Variants in NTM observed in about 807,000 individuals in gnomAD.
NTM encodes neurotrimin.
In NTM, 13 loss-of-function variants were observed where a neutral mutation model predicts 42.1. The ratio of observed to expected loss-of-function variants is 0.31; its 90% CI spans 0.20 to 0.49. The LOEUF is 0.49. Ranked by LOEUF, NTM falls within the 20% of genes least tolerant of loss-of-function variation. The pLI is 0.99. For synonymous variants in NTM, 187 were observed against 179.2 expected, an observed-to-expected ratio of 1.04 and a Z score of -0.35; for missense variants, 373 against 452.8, an observed-to-expected ratio of 0.82 and a Z score of 1.60.
chr11:132,303,500 G>T (rs765533806), intron 4 of NTM, among the ~76,000 whole-genome samples: 2 of 152,152 alleles, frequency 1.3e-5, no homozygotes, highest in Non-Finnish European at 2.9e-5. Flanking sequence ...TTAGATTAGG[G>T]TCTACCATAA....
intron 1 of NTM, among the ~76,000 whole-genome samples, chr11:131,906,333 G>T (rs1054008243): frequency 6.6e-6 from 1 of 152,092 alleles, no homozygotes; most frequent in Non-Finnish European, 1.5e-5. Flanking sequence ...AGAGTAGAAA[G>T]AACCCTGCTG....
chr11:132,077,448 T>C (rs949646115), intron 2 of NTM, among the ~76,000 whole-genome samples: 4 of 152,208 alleles, frequency 2.6e-5, no homozygotes, highest in African/African-American at 9.6e-5. Flanking sequence ...AGCAGCTGTC[T>C]TTTGCTGAGC....
At chr11:131,982,737 G>C (rs2065450692) in intron 2 of NTM, among the ~76,000 whole-genome samples, 1 of 152,250 alleles carries the variant, frequency 6.6e-6, no homozygotes, top group African/African-American at 2.4e-5. Flanking sequence ...GACTCAGGCT[G>C]TGGTGCCCAC....
Position 132,054,546 on chromosome 11 carries a change from G to A in NTM, c.168-91736G>A, listed in dbSNP as rs1203701092. Among the ~76,000 whole-genome samples the A allele has an allele frequency of 2.0e-5, 3 of 152,202 alleles. No homozygotes were observed. In the East Asian group the frequency reaches 5.8e-4, roughly 29 times the overall value. ...AGAGCAAATTCCCATGTTAGGGAGA[G>A]GCAGATGGATGGAGGCAGAGTTAGC... is the stretch of plus-strand genomic sequence containing the variant. On this transcript the variant is annotated intron_variant, in intron 2 of 8. Coordinates refer to ENST00000683400, the MANE Select transcript of NTM (RefSeq NM_001352005.2).
chr11:132,163,459 G>A (rs1376932852), intron 3 of NTM, among the ~76,000 whole-genome samples: 1 of 152,204 alleles, frequency 6.6e-6, no homozygotes, highest in African/African-American at 2.4e-5. Context: ...TGGCAGCCAA[G>A]AACTAGATGA....
chr11:131,884,698 A>G (rs957672280), intron 1 of NTM, among the ~76,000 whole-genome samples: 1 of 152,132 alleles, frequency 6.6e-6, no homozygotes, highest in Non-Finnish European at 1.5e-5. Flanking sequence ...GAAATCATGG[A>G]AAGGGGGCCA....
intron 2 of NTM, among the ~76,000 whole-genome samples, chr11:131,936,063 A>G (rs1189154362): frequency 6.6e-6 from 1 of 152,180 alleles, no homozygotes; most frequent in Non-Finnish European, 1.5e-5. Context: ...AACTCCTAAG[A>G]ATATCAATAT....
intron 2 of NTM, among the ~76,000 whole-genome samples, chr11:132,134,213 G>A (rs906428479): frequency 6.6e-6 from 1 of 152,042 alleles, no homozygotes; most frequent in East Asian, 1.9e-4. Context: ...GTGAGCCACC[G>A]TGCCTGCCCC....
chr11:132,307,052 G>C (rs1203905497), intron 4 of NTM, among the ~76,000 whole-genome samples: 2 of 152,194 alleles, frequency 1.3e-5, no homozygotes, highest in African/African-American at 4.8e-5. Context: ...ACTAGGCATC[G>C]AGTGCGGAGT....
chr11:131,965,592 C>G (rs1000531687), intron 2 of NTM, among the ~76,000 whole-genome samples: 1 of 152,106 alleles, frequency 6.6e-6, no homozygotes, highest in Admixed American at 6.5e-5. Flanking sequence ...TGTCCTCATG[C>G]TAATGATGAA....
intron 2 of NTM, among the ~76,000 whole-genome samples, chr11:132,115,533 T>C (rs2063761405): frequency 2.0e-5 from 3 of 152,176 alleles, no homozygotes; most frequent in Admixed American, 2.0e-4. Flanking sequence ...GGTAACATTT[T>C]CCTGTCAGGA....
At chr11:131,710,370 G>A (rs1031550110) in intron 1 of NTM, among the ~76,000 whole-genome samples, 9 of 152,048 alleles carry the variant, frequency 5.9e-5, no homozygotes, top group Admixed American at 1.3e-4. Flanking sequence ...TGATGCCTCC[G>A]TCCCCACCAA....
intron 6 of NTM, among the ~76,000 whole-genome samples, chr11:132,314,249 G>A (rs2095363927): frequency 6.6e-6 from 1 of 152,196 alleles, no homozygotes; most frequent in African/African-American, 2.4e-5. Context: ...ATGCCACACA[G>A]CTGGCAGGGG....
At chr11:132,250,126 C>T (rs1429131606) in intron 4 of NTM, among the ~76,000 whole-genome samples, 1 of 152,116 alleles carries the variant, frequency 6.6e-6, no homozygotes, top group Admixed American at 6.6e-5. Flanking sequence ...GTCCTGATTC[C>T]TGAACGGTAC....
chr11:131,729,136 C>G (rs2079316217), intron 1 of NTM, among the ~76,000 whole-genome samples: 1 of 152,182 alleles, frequency 6.6e-6, no homozygotes, highest in African/African-American at 2.4e-5. Context: ...TATAACTTCT[C>G]TGTCCTGAGT....
At chr11:132,106,162 T>A (rs1359958650) in intron 2 of NTM, among the ~76,000 whole-genome samples, 2 of 152,256 alleles carry the variant, frequency 1.3e-5, no homozygotes, top group Non-Finnish European at 2.9e-5. Flanking sequence ...ACATTTTTAC[T>A]TGAAAGCCTT....
At chr11:131,507,968 G>A (rs985729370) in intron 1 of NTM, among the ~76,000 whole-genome samples, 1 of 152,116 alleles carries the variant, frequency 6.6e-6, no homozygotes, top group Non-Finnish European at 1.5e-5. Flanking sequence ...TCAGGACATA[G>A]GCACGGGCAA....
At chr11:131,415,124 G>A (rs1043638445) in intron 1 of NTM, among the ~76,000 whole-genome samples, 3 of 152,216 alleles carry the variant, frequency 2.0e-5, no homozygotes, top group African/African-American at 7.2e-5. Flanking sequence ...GGATGGAATT[G>A]GAATGGGGTT....
intron 4 of NTM, among the ~76,000 whole-genome samples, chr11:132,258,096 T>A (rs2092618294): frequency 6.6e-6 from 1 of 152,162 alleles, no homozygotes; most frequent in Non-Finnish European, 1.5e-5. Flanking sequence ...CATGACTCCA[T>A]CCTCCAGGAG....
Sources: gnomAD v4.1 joint callset for allele counts (sites outside exome capture counted in the v4.1 genomes callset) on GRCh38, gnomAD v4.1.1 for gene constraint, MANE v1.5 for transcripts, NCBI Gene and HGNC (gene_info 2026-07-23, HGNC 2026-07-21) for gene names.